Variants in ITGA8 observed in about 807,000 individuals in gnomAD.
The protein encoded by ITGA8 is integrin alpha-8.
ITGA8 carries 91 observed loss-of-function variants against 142.3 expected under a neutral mutation model. The observed-to-expected ratio is 0.64, with a 90% confidence interval of 0.54 to 0.76. The LOEUF is 0.76. Among genes scored for constraint, ITGA8 ranks in the 30% least tolerant of loss-of-function variants. The probability of loss-of-function intolerance (pLI) is 0.00; values close to 1 mark genes in which losing one functional copy is unlikely to be tolerated. For missense variants in ITGA8, 1,406 were observed against 1,327.7 expected (o/e 1.06, Z -0.92); for synonymous variants, 505 against 485.2 (o/e 1.04, Z -0.54).
intron 28 of ITGA8, among the ~76,000 whole-genome samples, chr10:15,524,692 G>A (rs1263798275): frequency 6.6e-6 from 1 of 152,232 alleles, no homozygotes; most frequent in East Asian, 1.9e-4. Flanking sequence ...GCATAGGCAA[G>A]CTTAAGAGAA....
chr10:15,566,165 G>A (rs1834075770), intron 25 of ITGA8, among the ~76,000 whole-genome samples: 2 of 151,986 alleles, frequency 1.3e-5, no homozygotes, highest in African/African-American at 2.4e-5. Context: ...CTGTGTCTCC[G>A]CTTTCCATGT....
rs1331274499 is a variant in ITGA8 at position 15,515,040 on chromosome 10, G to A, written c.*2118C>T. ...TAAAGACAAGGGGTGCATTTTTTCA[G>A]GGACCTTTTAGGACCCCAAATCCCA... On this transcript the variant is annotated 3_prime_UTR_variant, in exon 30 of 30. Transcript: ENST00000378076. 6.6e-6 allele frequency: 1 copy of A among 151,992 alleles called. No homozygotes were observed. The highest frequency in any genetic ancestry group is 1.5e-5 in the Non-Finnish European group (1 of 68,012). 9.4% of individuals were successfully genotyped at this position (151,992 alleles called of 1,614,324 possible). A position where few individuals can be genotyped will look rare whatever the true frequency, so the allele number is the denominator to read the frequency against.
chr10:15,547,688 C>G (rs1258878484), intron 27 of ITGA8, among the ~76,000 whole-genome samples: 1 of 152,222 alleles, frequency 6.6e-6, no homozygotes, highest in African/African-American at 2.4e-5. Context: ...ACTCACGTAC[C>G]TGGAACTTGG....
At chr10:15,697,843 T>C (rs554763936) in intron 2 of ITGA8, among the ~76,000 whole-genome samples, 13 of 152,224 alleles carry the variant, frequency 8.5e-5, no homozygotes, top group Non-Finnish European at 1.6e-4. Context: ...TTGCCGACAG[T>C]TGATAGAGTA....
intron 10 of ITGA8, among the ~76,000 whole-genome samples, chr10:15,657,834 C>T (rs1206936122): frequency 1.3e-5 from 2 of 152,132 alleles, no homozygotes; most frequent in Non-Finnish European, 2.9e-5. Flanking sequence ...TAAATAGTCA[C>T]ATATAAGTTA....
At chr10:15,529,139 A>G (rs1255818495) in intron 28 of ITGA8, among the ~76,000 whole-genome samples, 1 of 151,330 alleles carries the variant, frequency 6.6e-6, no homozygotes, top group Non-Finnish European at 1.5e-5. Flanking sequence ...GGTTGAGTGC[A>G]GTGCATGCGA....
chr10:15,629,492 T>A lies in ITGA8; in HGVS notation c.1400-12933A>T, dbSNP rs563682156. 3.6e-4 allele frequency among the ~76,000 whole-genome samples: 55 copies of A among 152,202 alleles called. 3 individuals carry two copies. Among genetic ancestry groups the A allele is most frequent in the African/African-American group, 1.3e-3 (52 of 41,434 alleles). On this transcript the variant is annotated intron_variant, in intron 13 of 29. Transcript: ENST00000378076. ...TTTTCCTCTGCCCCACTTGTCTATGTCATCTTATGTAAAAGAAAAATGCAG... is the reference window on the plus strand; with the variant it reads ...TTTTCCTCTGCCCCACTTGTCTATGACATCTTATGTAAAAGAAAAATGCAG...
chr10:15,605,029 TG>T (rs967744798), intron 19 of ITGA8, among the ~76,000 whole-genome samples: 8 of 152,116 alleles, frequency 5.3e-5, no homozygotes, highest in African/African-American at 1.9e-4. Context: ...TTATGAAATT[TG>T]GGGGAAGTCC....
rs1032492164 is a variant in ITGA8, at chr10:15,705,453, C to T, written c.343+13313G>A. Among the ~76,000 whole-genome samples, 5 of 152,212 alleles carry T rather than the reference C, an allele frequency of 3.3e-5. No homozygotes were observed. In the East Asian group the frequency reaches 5.8e-4, roughly 18 times the overall value. On this transcript the variant is annotated intron_variant, in intron 2 of 29. Transcript: ENST00000378076. ...CCCTCCTGCCACTGCAGATGAAATG[C>T]GTTTCTGCTGCTCTAAGGCCAGTCC...
At chr10:15,660,068 G>C (rs757512114) in intron 9 of ITGA8, among the ~76,000 whole-genome samples, 2 of 152,108 alleles carry the variant, frequency 1.3e-5, no homozygotes, top group Admixed American at 6.6e-5. Flanking sequence ...ATAAAATAAT[G>C]CAATTCATTA....
intron 2 of ITGA8, among the ~76,000 whole-genome samples, chr10:15,717,890 G>C (rs1306720930): frequency 1.3e-5 from 2 of 152,082 alleles, no homozygotes; most frequent in Non-Finnish European, 2.9e-5. Flanking sequence ...AAAAATCAAA[G>C]AAATCAAGTA....
Position 15,537,091 on chromosome 10 carries a change from G to C in ITGA8, c.2881-5940C>G, listed in dbSNP as rs143950462. 3.7e-3 allele frequency among the ~76,000 whole-genome samples: 568 copies of C among 152,248 alleles called. 2 individuals carry two copies. The highest frequency in any genetic ancestry group is 0.013 in the African/African-American group (550 of 41,544). ...AATCACAGAATAGGGGACCATTTAGGATTAACCTACATACAATCTGTTTCT... is the reference window on the plus strand; with the variant it reads ...AATCACAGAATAGGGGACCATTTAGCATTAACCTACATACAATCTGTTTCT... On this transcript the variant is annotated intron_variant, in intron 27 of 29. Transcript: ENST00000378076.
In ITGA8 at chr10:15,548,312, C is replaced by T. The variant is rs1000070233; in HGVS notation, c.2880+143G>A. ...TTTACCATGTAGGCCAGGCTTGTCTCGAGCTCCTGGCCTCAAGTAATCCAT... is the reference window on the plus strand; with the variant it reads ...TTTACCATGTAGGCCAGGCTTGTCTTGAGCTCCTGGCCTCAAGTAATCCAT... On this transcript the variant is annotated intron_variant, in intron 27 of 29. Transcript: ENST00000378076. 1.6e-5 allele frequency: 10 copies of T among 626,266 alleles called. No individual in the cohort carries two copies. In the Admixed American group the frequency reaches 1.8e-4, roughly 11 times the overall value. 38.8% of individuals were successfully genotyped at this position (626,266 alleles called of 1,614,324 possible). A position where few individuals can be genotyped will look rare whatever the true frequency, so the allele number is the denominator to read the frequency against.
chr10:15,582,951 A>G (rs1368558631), intron 23 of ITGA8, among the ~76,000 whole-genome samples: 3 of 152,248 alleles, frequency 2.0e-5, no homozygotes, highest in Non-Finnish European at 4.4e-5. Flanking sequence ...AGACCTGCAC[A>G]TGAATACTTA....
chr10:15,704,925 C>A (rs1043075725), intron 2 of ITGA8, among the ~76,000 whole-genome samples: 3 of 152,132 alleles, frequency 2.0e-5, no homozygotes. Flanking sequence ...GAATCTCATG[C>A]CTGCTGCCAA....
intron 27 of ITGA8, among the ~76,000 whole-genome samples, chr10:15,539,997 A>G (rs1833537101): frequency 6.6e-6 from 1 of 152,178 alleles, no homozygotes; most frequent in Non-Finnish European, 1.5e-5. Flanking sequence ...GCCGCCATGT[A>G]AGACATGCTT....
At chr10:15,538,983 G>A (rs1048673222) in intron 27 of ITGA8, among the ~76,000 whole-genome samples, 16 of 116,522 alleles carry the variant, frequency 1.4e-4, no homozygotes, top group East Asian at 2.9e-4. Flanking sequence ...TTTTTTTAAC[G>A]TTTCCTTAGA....
chr10:15,707,405 T>C (rs557845111), intron 2 of ITGA8, among the ~76,000 whole-genome samples: 1 of 152,222 alleles, frequency 6.6e-6, no homozygotes, highest in Non-Finnish European at 1.5e-5. Context: ...GGGTCACCTG[T>C]AGGAGCTGGA....
Position 15,656,371 on chromosome 10 carries a change from A to T in ITGA8, c.949-965T>A, listed in dbSNP as rs117516216. Among the ~76,000 whole-genome samples, 1,491 of 150,590 alleles carry T rather than the reference A, an allele frequency of 9.9e-3. 20 individuals carry two copies. Among genetic ancestry groups the T allele is most frequent in the African/African-American group, 0.032 (1,313 of 41,068 alleles). ...TCCCCACTTTTTTATTTATTTATTT[A>T]TTTATTTTTTGAGATGAAGTCTCGC... On this transcript the variant is annotated intron_variant, in intron 10 of 29. Transcript: ENST00000378076.
Sources: allele counts gnomAD v4.1 joint callset (sites outside exome capture counted in the v4.1 genomes callset), GRCh38; gene constraint gnomAD v4.1.1; transcripts MANE v1.5; gene names NCBI Gene and HGNC (gene_info 2026-07-23, HGNC 2026-07-21).